Variants in LARGE1 observed in about 807,000 individuals in gnomAD.
LARGE1 encodes xylosyl- and glucuronyltransferase LARGE1.
In LARGE1, 43 loss-of-function variants were observed where a neutral mutation model predicts 87.6. The ratio of observed to expected loss-of-function variants is 0.49; its 90% CI spans 0.38 to 0.63. The LOEUF is 0.63. Ranked by LOEUF, LARGE1 falls within the 30% of genes least tolerant of loss-of-function variation. LARGE1 has a pLI of 0.00. For missense variants in LARGE1, 802 were observed against 1,000.2 expected (o/e 0.80, Z 2.67); for synonymous variants, 434 against 394.6 (o/e 1.10, Z -1.18).
intron 6 of LARGE1, among the ~76,000 whole-genome samples, chr22:33,484,190 G>A (rs2069466203): frequency 6.6e-6 from 1 of 152,118 alleles, no homozygotes; most frequent in African/African-American, 2.4e-5. Flanking sequence ...CAGTTCTAAT[G>A]TTCCTCTCAC....
exon 12 of LARGE1, chr22:33,165,901 A>T (rs961994681): frequency 6.6e-6 from 1 of 152,232 alleles, no homozygotes; most frequent in Non-Finnish European, 1.5e-5. Flanking sequence ...CTTCAGGAAC[A>T]AAATCAAGTA....
chr22:33,248,037 G>A (rs539126032), intron 11 of LARGE1, among the ~76,000 whole-genome samples: 23 of 152,078 alleles, frequency 1.5e-4, no homozygotes, highest in Admixed American at 1.2e-3. Context: ...GCCAAGATTG[G>A]AACCTCATAA....
At chr22:33,124,005 G>C in the LARGE1 span, among the ~76,000 whole-genome samples, 1 of 152,160 alleles carries the variant, frequency 6.6e-6, no homozygotes, top group South Asian at 2.1e-4. Flanking sequence ...GACGGCTCTG[G>C]CCAGGCACGA....
At chr22:33,803,333 G>A (rs970258144) in intron 1 of LARGE1, among the ~76,000 whole-genome samples, 14 of 152,134 alleles carry the variant, frequency 9.2e-5, no homozygotes, top group Non-Finnish European at 1.5e-4. Flanking sequence ...TCTTGGGAAC[G>A]AGTTACTCCT....
chr22:33,477,334 T>C (rs2069123672), intron 6 of LARGE1, among the ~76,000 whole-genome samples: 2 of 152,230 alleles, frequency 1.3e-5, no homozygotes, highest in Non-Finnish European at 1.5e-5. Flanking sequence ...TTTCAATCTC[T>C]AAAGAACTCT....
intron 2 of LARGE1, among the ~76,000 whole-genome samples, chr22:33,694,188 C>G (rs1224051141): frequency 6.6e-6 from 1 of 152,162 alleles, no homozygotes; most frequent in African/African-American, 2.4e-5. Context: ...CGTGGACTGG[C>G]TACAGTAATA....
chr22:33,207,166 A>G (rs1924727242), intron 11 of LARGE1, among the ~76,000 whole-genome samples: 1 of 152,196 alleles, frequency 6.6e-6, no homozygotes, highest in Admixed American at 6.5e-5. Flanking sequence ...AGCTAGTACT[A>G]TGGCCAACAC....
intron 4 of LARGE1, among the ~76,000 whole-genome samples, chr22:33,607,483 A>AAAAAAAAT (rs2079300653): frequency 6.6e-6 from 1 of 151,462 alleles, no homozygotes; most frequent in Non-Finnish European, 1.5e-5. Context: ...AAAAAAAAAA[A>AAAAAAAAT]AGTGTCTATC....
In LARGE1 at chr22:33,689,167, C is replaced by CT. The variant is rs1555998591; in HGVS notation, c.107-38500_107-38499insA. Among the ~76,000 whole-genome samples, 9 of 129,374 alleles carry CT rather than the reference C, an allele frequency of 7.0e-5. 1 individual carries two copies. The highest frequency in any genetic ancestry group is 7.8e-5 in the Admixed American group (1 of 12,762). 84.9% of individuals were successfully genotyped at this position (129,374 alleles called of 152,430 possible). ...ACTGTCTCTCTCTCTCTCTCTCTCT[C>CT]CCCCCTCCTGTGTGTGTATGTGTGT... On this transcript the variant is annotated intron_variant, in intron 2 of 14. Coordinates refer to ENST00000397394, the MANE Select transcript of LARGE1 (RefSeq NM_133642.5).
chr22:33,492,159 G>A (rs1299218453), intron 6 of LARGE1, among the ~76,000 whole-genome samples: 8 of 152,198 alleles, frequency 5.3e-5, no homozygotes, highest in Non-Finnish European at 1.2e-4. Context: ...ACTGGCAGGT[G>A]ACAGATGAGC....
At chr22:33,140,700 G>C in the LARGE1 span, among the ~76,000 whole-genome samples, 1 of 152,146 alleles carries the variant, frequency 6.6e-6, no homozygotes, top group Non-Finnish European at 1.5e-5. Flanking sequence ...ACTTACACCA[G>C]TGGTTTGCCA....
intron 2 of LARGE1, among the ~76,000 whole-genome samples, chr22:33,748,564 C>A (rs910439675): frequency 2.6e-5 from 4 of 152,152 alleles, no homozygotes; most frequent in Non-Finnish European, 5.9e-5. Context: ...CTCAACAGCA[C>A]CCCCAATTTA....
At chr22:33,228,801 A>G (rs1335243218) in intron 11 of LARGE1, among the ~76,000 whole-genome samples, 1 of 152,180 alleles carries the variant, frequency 6.6e-6, no homozygotes, top group African/African-American at 2.4e-5. Flanking sequence ...TGGGAATTTT[A>G]CAACCACACA....
the LARGE1 span, among the ~76,000 whole-genome samples, chr22:33,076,622 A>T: frequency 2.0e-5 from 3 of 152,138 alleles, no homozygotes; most frequent in Admixed American, 6.5e-5. Flanking sequence ...TTCAGATTTC[A>T]AGTGTGAATG....
intron 11 of LARGE1, among the ~76,000 whole-genome samples, chr22:33,203,169 G>C (rs1481660979): frequency 1.3e-5 from 2 of 151,728 alleles, no homozygotes; most frequent in Non-Finnish European, 2.9e-5. Flanking sequence ...CAGACAGACA[G>C]AGAGAGGCTG....
chr22:33,774,616 C>T (rs564973466), intron 1 of LARGE1, among the ~76,000 whole-genome samples: 13 of 152,314 alleles, frequency 8.5e-5, no homozygotes, highest in Middle Eastern at 3.4e-3. Context: ...CCTTGGCCTC[C>T]CAAAGTGCTG....
At chr22:33,502,784 G>A (rs538782797) in intron 6 of LARGE1, among the ~76,000 whole-genome samples, 3 of 152,108 alleles carry the variant, frequency 2.0e-5, no homozygotes, top group Non-Finnish European at 4.4e-5. Context: ...GGCCAGGATG[G>A]TCTCGATCTC....
At chr22:33,689,294 G>A (rs1450838717) in intron 2 of LARGE1, among the ~76,000 whole-genome samples, 3 of 151,946 alleles carry the variant, frequency 2.0e-5, no homozygotes, top group Admixed American at 6.6e-5. Context: ...AGCAGCAGTG[G>A]ATGCTGCACA....
In LARGE1 at chr22:33,578,089, G is replaced by A. The variant is rs558572080; in HGVS notation, c.616-13070C>T. ...AGCCCTGCTTCAGAAGATTTAGACC[G>A]TGGTAATATTGACATTCACCTCCCC... is the stretch of plus-strand genomic sequence containing the variant. On this transcript the variant is annotated intron_variant, in intron 5 of 14. Coordinates refer to ENST00000397394, the MANE Select transcript of LARGE1 (RefSeq NM_133642.5). Among the ~76,000 whole-genome samples the A allele has an allele frequency of 2.6e-5, 4 of 152,246 alleles. No individual in the cohort carries two copies. The South Asian group carries it at 8.3e-4, about 32-fold the overall frequency.
Sources: gnomAD v4.1 joint callset for allele counts (sites outside exome capture counted in the v4.1 genomes callset) on GRCh38, gnomAD v4.1.1 for gene constraint, MANE v1.5 for transcripts, NCBI Gene and HGNC (gene_info 2026-07-23, HGNC 2026-07-21) for gene names.